The following STIM2 variants were observed in gnomAD, a reference collection of about 807,000 sequenced individuals.
STIM2 encodes the protein stromal interaction molecule 2.
In STIM2, 31 loss-of-function variants were observed where a neutral mutation model predicts 85.8. That is an observed-to-expected ratio of 0.36 (90% CI 0.27 to 0.49). STIM2 has a LOEUF of 0.49. STIM2 is among the 20% of genes least tolerant of loss of function. The pLI is 0.98. For synonymous variants in STIM2, 356 were observed against 331.1 expected, an observed-to-expected ratio of 1.08 and a Z score of -0.82; for missense variants, 841 against 927.6, an observed-to-expected ratio of 0.91 and a Z score of 1.21.
At chr4:26,880,390 G>A (rs1277560996) in intron 1 of STIM2, among the ~76,000 whole-genome samples, 2 of 151,686 alleles carry the variant, frequency 1.3e-5, no homozygotes, top group African/African-American at 4.8e-5. Flanking sequence ...ACGGTATTTT[G>A]TTAATTTCCT....
At chr4:26,928,299 C>T (rs1271838583) in intron 2 of STIM2, among the ~76,000 whole-genome samples, 1 of 152,052 alleles carries the variant, frequency 6.6e-6, no homozygotes, top group Non-Finnish European at 1.5e-5. Flanking sequence ...TCATAGCACA[C>T]CACAATTACA....
intron 1 of STIM2, among the ~76,000 whole-genome samples, chr4:26,896,605 A>G (rs1723713627): frequency 6.6e-6 from 1 of 152,200 alleles, no homozygotes; most frequent in Non-Finnish European, 1.5e-5. Flanking sequence ...TGTACATTGT[A>G]ATATTGAATC....
intron 1 of STIM2, among the ~76,000 whole-genome samples, chr4:26,874,539 TAATA>T (rs1030580592): frequency 1.1e-4 from 17 of 152,244 alleles, no homozygotes; most frequent in African/African-American, 4.1e-4. Context: ...CAGTTATTGT[TAATA>T]TATTACTCAT....
intron 1 of STIM2, among the ~76,000 whole-genome samples, chr4:26,896,218 T>G (rs564623738): frequency 1.8e-4 from 28 of 152,346 alleles, no homozygotes; most frequent in Middle Eastern, 3.4e-3. Flanking sequence ...GGTGAATCTC[T>G]TTCACACTTT....
chr4:26,967,715 A>G (rs1726775832), intron 3 of STIM2, among the ~76,000 whole-genome samples: 1 of 152,022 alleles, frequency 6.6e-6, no homozygotes, highest in Non-Finnish European at 1.5e-5. Context: ...TCTTTACCTC[A>G]GCTTCATTTT....
At chr4:26,898,708 T>TA (rs1310908857) in intron 1 of STIM2, among the ~76,000 whole-genome samples, 1 of 152,202 alleles carries the variant, frequency 6.6e-6, no homozygotes, top group Non-Finnish European at 1.5e-5. Flanking sequence ...AATAAGTTGA[T>TA]ATCCTTGCAA....
Position 26,927,859 on chromosome 4 carries a change from T to A in STIM2, c.282+8225T>A, listed in dbSNP as rs933822282. On this transcript the variant is annotated intron_variant, in intron 2 of 11. Transcript: ENST00000467087. The stretch of plus-strand genomic sequence containing the variant: ...TATAAATTATATATTAATATATAAT[T>A]ATTATATAAATTATATATTAATATA... Among the ~76,000 whole-genome samples, 14 of 134,962 alleles carry A rather than the reference T, an allele frequency of 1.0e-4. No homozygotes were observed. In the South Asian group the frequency reaches 1.3e-3, roughly 12 times the overall value. The allele number at this position is 134,962 out of a possible 152,430, so 88.5% of individuals were successfully genotyped here.
chr4:26,937,977 A>G (rs1243151356), intron 2 of STIM2, among the ~76,000 whole-genome samples: 1 of 152,046 alleles, frequency 6.6e-6, no homozygotes, highest in African/African-American at 2.4e-5. Context: ...TTTGCAGATA[A>G]GTGATTTTTT....
At position 27,002,446 on chromosome 4, in the gene STIM2, A is replaced by G. The variant is rs1728189176; in HGVS notation, c.803+52A>G. The G allele has an allele frequency of 2.1e-6, 3 of 1,437,620 alleles. No individual in the cohort carries two copies. In the South Asian group the frequency reaches 4.1e-5, roughly 20 times the overall value. The allele number at this position is 1,437,620 out of a possible 1,614,324, so 89.1% of individuals were successfully genotyped here. A position where few individuals can be genotyped will look rare whatever the true frequency, so the allele number is the denominator to read the frequency against. The stretch of plus-strand genomic sequence containing the variant: ...TTATGTAGGCAAATACAATTTGTAA[A>G]AAAAGTGATATGGGCATGTGCTTAA... On this transcript the variant is annotated intron_variant, in intron 6 of 11. Coordinates refer to ENST00000467087, the MANE Select transcript of STIM2 (RefSeq NM_020860.4).
At chr4:26,946,347 C>T (rs751010301) in intron 2 of STIM2, among the ~76,000 whole-genome samples, 3 of 152,206 alleles carry the variant, frequency 2.0e-5, no homozygotes, top group Non-Finnish European at 4.4e-5. Flanking sequence ...TAGGTGATTA[C>T]TTAACAGAAC....
chr4:26,946,856 G>C (rs1264863052), intron 2 of STIM2, among the ~76,000 whole-genome samples: 2 of 152,092 alleles, frequency 1.3e-5, no homozygotes, highest in African/African-American at 4.8e-5. Context: ...AACCATCTTT[G>C]CTTACTACTG....
intron 2 of STIM2, among the ~76,000 whole-genome samples, chr4:26,928,429 G>C (rs1725069838): frequency 6.6e-6 from 1 of 152,122 alleles, no homozygotes; most frequent in South Asian, 2.1e-4. Flanking sequence ...TATCAAGGAA[G>C]CTTTTGCAGA....
At position 26,902,421 on chromosome 4, in the gene STIM2, T is replaced by C. The variant is rs75469471; in HGVS notation, c.152-17083T>C. On this transcript the variant is annotated intron_variant, in intron 1 of 11. Coordinates refer to ENST00000467087, the MANE Select transcript of STIM2 (RefSeq NM_020860.4). ...ATCTGCAAAGAACTTTAATCCTAAG[T>C]GTTAAGAGTATAGCTACATTTAGGA... 7.9e-5 allele frequency among the ~76,000 whole-genome samples: 12 copies of C among 152,258 alleles called. No homozygotes were observed. In the East Asian group the frequency reaches 2.1e-3, roughly 27 times the overall value.
intron 2 of STIM2, among the ~76,000 whole-genome samples, chr4:26,953,283 A>G (rs915049819): frequency 1.3e-5 from 2 of 152,062 alleles, no homozygotes; most frequent in African/African-American, 4.8e-5. Context: ...TCATTTATTC[A>G]TGTTTTAAAC....
At chr4:26,902,966 T>C (rs1430008515) in intron 1 of STIM2, among the ~76,000 whole-genome samples, 1 of 152,166 alleles carries the variant, frequency 6.6e-6, no homozygotes, top group African/African-American at 2.4e-5. Context: ...AGATTTGTCT[T>C]TCTCTAATAT....
chr4:27,012,595 CAT>C (rs1728597121), intron 10 of STIM2, among the ~76,000 whole-genome samples: 1 of 151,936 alleles, frequency 6.6e-6, no homozygotes, highest in Non-Finnish European at 1.5e-5. Context: ...AATACAGAAA[CAT>C]ATATTTAAGT....
chr4:26,899,561 CTAGA>C (rs1723840646), intron 1 of STIM2, among the ~76,000 whole-genome samples: 1 of 151,940 alleles, frequency 6.6e-6, no homozygotes, highest in Admixed American at 6.6e-5. Context: ...GGAGAAATTC[CTAGA>C]TAGTTTAGTT....
chr4:26,883,763 A>G (rs867791690), intron 1 of STIM2, among the ~76,000 whole-genome samples: 1 of 152,232 alleles, frequency 6.6e-6, no homozygotes, highest in African/African-American at 2.4e-5. Context: ...TGCTGTATCA[A>G]ATGTTCCTTT....
In STIM2 at chr4:26,970,199, G is replaced by GTATA. The variant is rs67648567; in HGVS notation, c.397+12493_397+12496dup. ...ATATTGTTTCGGTTTTAGTGTGTGT[G>GTATA]TATATATATATATATATATATATGT... On this transcript the variant is annotated intron_variant, in intron 3 of 11. Transcript: ENST00000467087. 8.8e-4 allele frequency among the ~76,000 whole-genome samples: 80 copies of GTATA among 91,120 alleles called. 1 individual carries two copies. The highest frequency in any genetic ancestry group is 2.3e-3 in the African/African-American group (61 of 26,560). The allele number at this position is 91,120 out of a possible 152,430, so 59.8% of individuals were successfully genotyped here. A position where few individuals can be genotyped will look rare whatever the true frequency, so the allele number is the denominator to read the frequency against.
Sources: allele counts gnomAD v4.1 joint callset (sites outside exome capture counted in the v4.1 genomes callset), GRCh38; gene constraint gnomAD v4.1.1; transcripts MANE v1.5; gene names NCBI Gene and HGNC (gene_info 2026-07-23, HGNC 2026-07-21).